The following TTLL5 variants were observed in gnomAD, a reference collection of about 807,000 sequenced individuals.
The protein encoded by TTLL5 is tubulin tyrosine ligase like 5.
In TTLL5, 132 loss-of-function variants were observed where a neutral mutation model predicts 168.4. The observed-to-expected ratio is 0.78, with a 90% confidence interval of 0.68 to 0.91. TTLL5 has a LOEUF of 0.91. Ranked by LOEUF, TTLL5 falls within the 40% of genes least tolerant of loss-of-function variation. The probability of loss-of-function intolerance (pLI) is 0.00; values close to 1 mark genes in which losing one functional copy is unlikely to be tolerated. For synonymous variants in TTLL5, 546 were observed against 558.6 expected (o/e 0.98, Z 0.32); for missense variants, 1,545 against 1,581.5 (o/e 0.98, Z 0.39).
intron 15 of TTLL5, among the ~76,000 whole-genome samples, chr14:75,741,966 A>C (rs17183738): frequency 0.1 from 15,968 of 152,108 alleles, 1,009 homozygotes; most frequent in Non-Finnish European, 0.14. Context: ...CATTATCTCA[A>C]TTTCTAGAAG....
chr14:75,845,091 C>T (rs1293787121), intron 28 of TTLL5, among the ~76,000 whole-genome samples: 3 of 152,216 alleles, frequency 2.0e-5, no homozygotes, highest in African/African-American at 7.2e-5. Flanking sequence ...GTCATTTCTA[C>T]ATGGAAGGCT....
chr14:75,720,625 A>G lies in TTLL5; in HGVS notation c.964A>G (p.Ile322Val). The G allele has an allele frequency of 1.2e-6, 2 of 1,613,640 alleles. No homozygotes were observed. The highest frequency in any genetic ancestry group is 1.7e-6 in the Non-Finnish European group (2 of 1,179,640). Residue 322 changes from isoleucine (I) to valine (V), a missense_variant, in exon 12 of 32, where the codon ATT (isoleucine) becomes GTT (valine). Physicochemically the swap from Ile to Val is conservative, Grantham distance 29 (BLOSUM62 3). Transcript: ENST00000298832. ...GATGGCCCATGTAGAAGACCTGATC[A>G]TTAAGACTATAATCTCTGCTGAACT... is the stretch of plus-strand genomic sequence containing the variant. ...ALMAHVEDLI[I>V]KTIISAELAI... is the part of the protein sequence containing the mutation.
At chr14:75,885,849 A>C (rs2032087767) in intron 30 of TTLL5, among the ~76,000 whole-genome samples, 1 of 152,250 alleles carries the variant, frequency 6.6e-6, no homozygotes, top group Admixed American at 6.5e-5. Flanking sequence ...ATGAATGTCA[A>C]GCACAAATAC....
intron 31 of TTLL5, among the ~76,000 whole-genome samples, chr14:75,913,666 C>T (rs2033479101): frequency 2.6e-5 from 4 of 152,132 alleles, no homozygotes; most frequent in South Asian, 2.1e-4. Flanking sequence ...CATATTTCTG[C>T]CTTTTTTTAT....
intron 7 of TTLL5, among the ~76,000 whole-genome samples, chr14:75,701,998 CT>C (rs1481561598): frequency 1.3e-5 from 2 of 152,202 alleles, no homozygotes; most frequent in East Asian, 1.9e-4. Flanking sequence ...CCCCACTTGT[CT>C]TTTCACATTG....
chr14:75,757,157 T>C (rs921821799), intron 18 of TTLL5, among the ~76,000 whole-genome samples: 1 of 152,124 alleles, frequency 6.6e-6, no homozygotes, highest in African/African-American at 2.4e-5. Flanking sequence ...TTCTGTATTT[T>C]AGTAGAGACA....
chr14:75,664,252 T>C (rs1883094310), intron 2 of TTLL5, among the ~76,000 whole-genome samples: 1 of 152,224 alleles, frequency 6.6e-6, no homozygotes, highest in South Asian at 2.1e-4. Flanking sequence ...AGAGAGTAAG[T>C]GATGCATTGA....
intron 23 of TTLL5, among the ~76,000 whole-genome samples, chr14:75,778,588 A>C (rs985501424): frequency 6.6e-6 from 1 of 152,194 alleles, no homozygotes; most frequent in Non-Finnish European, 1.5e-5. Flanking sequence ...GGTGGTTTCT[A>C]GGTTCTGGTT....
chr14:75,843,176 C>T (rs1011657705), intron 28 of TTLL5, among the ~76,000 whole-genome samples: 20 of 152,180 alleles, frequency 1.3e-4, no homozygotes, highest in Admixed American at 1.3e-4. Context: ...CAGTAATAAT[C>T]GCGTTTACTT....
intron 30 of TTLL5, among the ~76,000 whole-genome samples, chr14:75,901,001 A>T (rs2140085426): frequency 6.6e-6 from 1 of 152,322 alleles, no homozygotes; most frequent in Admixed American, 6.5e-5. Context: ...GTGTCGGGAG[A>T]GAGATACTAA....
intron 3 of TTLL5, among the ~76,000 whole-genome samples, chr14:75,679,801 A>G (rs571361453): frequency 6.6e-6 from 1 of 152,336 alleles, no homozygotes; most frequent in African/African-American, 2.4e-5. Context: ...TGCAAAGACA[A>G]AGTAATAGTG....
intron 28 of TTLL5, among the ~76,000 whole-genome samples, chr14:75,833,568 C>T (rs1174920277): frequency 6.6e-6 from 1 of 152,196 alleles, no homozygotes; most frequent in Non-Finnish European, 1.5e-5. Context: ...ATATTCTTAT[C>T]TCTAAAATAG....
chr14:75,902,093 G>A, intron 30 of TTLL5, 49 bp from the exon 31 acceptor site: 1 of 1,569,336 alleles, frequency 6.4e-7, no homozygotes, highest in South Asian at 1.1e-5. Flanking sequence ...TCCTGCACCT[G>A]ACCTCACCTT....
intron 12 of TTLL5, among the ~76,000 whole-genome samples, chr14:75,725,214 G>C (rs1255186574): frequency 6.6e-6 from 1 of 152,228 alleles, no homozygotes; most frequent in Non-Finnish European, 1.5e-5. Context: ...CTTATAGGGA[G>C]GATGTCCATA....
intron 5 of TTLL5, among the ~76,000 whole-genome samples, chr14:75,685,962 A>T (rs1885012923): frequency 6.6e-6 from 1 of 152,328 alleles, no homozygotes; most frequent in South Asian, 2.1e-4. Context: ...ACCCAGGAAC[A>T]TGCATTTTTT....
intron 15 of TTLL5, 105 bp from the exon 16 acceptor site, chr14:75,744,990 T>C: frequency 1.1e-6 from 1 of 947,734 alleles, no homozygotes; most frequent in Non-Finnish European, 1.6e-6. Flanking sequence ...TTTGAGCTTA[T>C]AAATCTTTAG....
chr14:75,758,057 C>T (rs1236129306), intron 18 of TTLL5, among the ~76,000 whole-genome samples: 1 of 152,212 alleles, frequency 6.6e-6, no homozygotes, highest in Non-Finnish European at 1.5e-5. Flanking sequence ...ATTTACTTCA[C>T]TATAACTACA....
chr14:75,714,457 G>A (rs1887297333), intron 9 of TTLL5, among the ~76,000 whole-genome samples: 1 of 152,038 alleles, frequency 6.6e-6, no homozygotes, highest in Non-Finnish European at 1.5e-5. Context: ...GTTGCCAAAT[G>A]ATGATTTTTT....
At chr14:75,737,692 T>C (rs952594172) in intron 15 of TTLL5, 1 of 1,375,974 alleles carries the variant, frequency 7.3e-7, no homozygotes, top group Non-Finnish European at 9.8e-7. Flanking sequence ...TTTTTCATGG[T>C]ACATATTTTT....
Sources: allele counts gnomAD v4.1 joint callset (sites outside exome capture counted in the v4.1 genomes callset), GRCh38; gene constraint gnomAD v4.1.1; transcripts MANE v1.5; gene names NCBI Gene and HGNC (gene_info 2026-07-23, HGNC 2026-07-21).